The following PPHLN1 variants were observed in gnomAD, a reference collection of about 807,000 sequenced individuals.
PPHLN1 encodes the protein periphilin 1, also known as periphilin-1.
In PPHLN1, 29 loss-of-function variants were observed where a neutral mutation model predicts 51.3. That is an observed-to-expected ratio of 0.57 (90% CI 0.42 to 0.77). PPHLN1 has a LOEUF of 0.77. PPHLN1 is among the 30% of genes least tolerant of loss of function. The probability of loss-of-function intolerance (pLI) is 0.00; values close to 1 mark genes in which losing one functional copy is unlikely to be tolerated. For missense variants in PPHLN1, 436 were observed against 438.4 expected (o/e 0.99, Z 0.05); for synonymous variants, 147 against 147.8 (o/e 0.99, Z 0.04).
downstream of PPHLN1, chr12:42,445,253 A>G (rs978990908): frequency 1.0e-5 from 6 of 601,688 alleles, no homozygotes; most frequent in African/African-American, 5.6e-5. Context: ...AAGCCACCCA[A>G]TCACATCAAT....
At chr12:42,403,351 G>A (rs1015326998) in intron 9 of PPHLN1, among the ~76,000 whole-genome samples, 1 of 152,044 alleles carries the variant, frequency 6.6e-6, no homozygotes, top group African/African-American at 2.4e-5. Context: ...CTGAAAGTCT[G>A]GATTCCCAAA....
Position 42,441,554 on chromosome 12 carries a change from A to C in PPHLN1, c.*45A>C. 1 of 1,473,444 alleles carries C rather than the reference A, an allele frequency of 6.8e-7. No individual in the cohort carries two copies. The highest frequency in any genetic ancestry group is 9.0e-7 in the Non-Finnish European group (1 of 1,115,638). 91.3% of individuals were successfully genotyped at this position (1,473,444 alleles called of 1,614,324 possible). ...AAAAAAAAAAAAACAGTTTCTAAAA[A>C]TTTTTTTTCCTGGATTGTGTAAATC... On this transcript the variant is annotated 3_prime_UTR_variant, in exon 10 of 10. Coordinates refer to ENST00000358314, the MANE Select transcript of PPHLN1 (RefSeq NM_201439.2).
chr12:42,407,409 C>G (rs1474455530), intron 9 of PPHLN1, among the ~76,000 whole-genome samples: 2 of 152,324 alleles, frequency 1.3e-5, no homozygotes, highest in South Asian at 4.1e-4. Flanking sequence ...ACAGCACTTG[C>G]TTATGACATG....
chr12:42,336,476 T>G (rs544408770), intron 2 of PPHLN1, among the ~76,000 whole-genome samples: 4 of 152,300 alleles, frequency 2.6e-5, no homozygotes, highest in African/African-American at 9.6e-5. Flanking sequence ...TCAGGCAGTC[T>G]GACTGGTAAG....
chr12:42,438,675 C>T (rs1593033136), intron 9 of PPHLN1, among the ~76,000 whole-genome samples: 1 of 152,318 alleles, frequency 6.6e-6, no homozygotes, highest in Middle Eastern at 3.4e-3. Flanking sequence ...GATCTCAGCT[C>T]ACCGCAACCC....
At position 42,432,157 on chromosome 12, in the gene PPHLN1, C is replaced by A; in HGVS notation, c.910-9158C>A. ...CGCTGATGTCGGCTGTCTCGATCAT[C>A]TTCTTCAATGACCAATCACTCAGCT... On this transcript the variant is annotated intron_variant, in intron 9 of 9. Transcript: ENST00000358314. 8.5e-6 allele frequency: 8 copies of A among 943,514 alleles called. No individual in the cohort carries two copies. In the South Asian group the frequency reaches 1.0e-4, roughly 12 times the overall value. The allele number at this position is 943,514 out of a possible 1,614,324, so 58.4% of individuals were successfully genotyped here. A position where few individuals can be genotyped will look rare whatever the true frequency, so the allele number is the denominator to read the frequency against.
At chr12:42,343,647 G>A (rs1287853969) in intron 2 of PPHLN1, among the ~76,000 whole-genome samples, 1 of 152,010 alleles carries the variant, frequency 6.6e-6, no homozygotes, top group Non-Finnish European at 1.5e-5. Context: ...GTGTTTCTTT[G>A]CTGAGTTTGA....
At chr12:42,444,281 C>CT (rs1471748841), downstream of PPHLN1, 1 of 151,728 alleles carries the variant, frequency 6.6e-6, no homozygotes, top group African/African-American at 2.4e-5. Flanking sequence ...GCGATATTAA[C>CT]TATCTTTGCC....
intron 9 of PPHLN1, among the ~76,000 whole-genome samples, chr12:42,418,373 A>T (rs1565991054): frequency 6.6e-6 from 1 of 150,758 alleles, no homozygotes; most frequent in Non-Finnish European, 1.5e-5. Flanking sequence ...TATTGCAATA[A>T]TTTTTTTTTC....
intron 8 of PPHLN1, among the ~76,000 whole-genome samples, chr12:42,395,190 G>T (rs1166124256): frequency 1.1e-4 from 16 of 151,722 alleles, no homozygotes; most frequent in Admixed American, 1.1e-3. Context: ...TCTAAAATTT[G>T]CTCAGAATTC....
At chr12:42,440,294 T>C (rs535157653) in intron 9 of PPHLN1, among the ~76,000 whole-genome samples, 2 of 152,238 alleles carry the variant, frequency 1.3e-5, no homozygotes, top group African/African-American at 4.8e-5. Flanking sequence ...TACTGGTATA[T>C]AGGAAAGCAA....
At chr12:42,338,520 G>A (rs1410717153) in intron 2 of PPHLN1, among the ~76,000 whole-genome samples, 2 of 152,126 alleles carry the variant, frequency 1.3e-5, no homozygotes, top group African/African-American at 4.8e-5. Context: ...AGTGGTTGAG[G>A]GACAGGAAAG....
At chr12:42,441,035 G>A (rs2082903552) in intron 9 of PPHLN1, among the ~76,000 whole-genome samples, 1 of 152,180 alleles carries the variant, frequency 6.6e-6, no homozygotes, top group South Asian at 2.1e-4. Context: ...TGTCCTTTGA[G>A]TAGACTGCCT....
At chr12:42,421,854 GT>G (rs888560858) in intron 9 of PPHLN1, among the ~76,000 whole-genome samples, 114 of 145,526 alleles carry the variant, frequency 7.8e-4, no homozygotes, top group Non-Finnish European at 1.0e-3. Flanking sequence ...GAAGGTTGGA[GT>G]TTTTTTTTTT....
chr12:42,331,761 A>G (rs750916869), intron 1 of PPHLN1: 5 of 152,172 alleles, frequency 3.3e-5, no homozygotes, highest in African/African-American at 4.8e-5. Flanking sequence ...TTGATTCTTC[A>G]GTTTGAATAT....
At chr12:42,341,533 T>C (rs968560277) in intron 2 of PPHLN1, among the ~76,000 whole-genome samples, 2 of 152,184 alleles carry the variant, frequency 1.3e-5, no homozygotes, top group African/African-American at 2.4e-5. Context: ...TATACTTAAT[T>C]TGAGTTTTGG....
intron 1 of PPHLN1, among the ~76,000 whole-genome samples, chr12:42,329,646 A>T (rs1222860001): frequency 1.3e-5 from 2 of 152,178 alleles, no homozygotes; most frequent in African/African-American, 2.4e-5. Flanking sequence ...ACTAATGTGT[A>T]TTAAAAGTAC....
Position 42,354,294 on chromosome 12 carries a change from G to T in PPHLN1, c.238-867G>T, listed in dbSNP as rs2073782425. ...AGTGCAGTGGCAAGAACTTGGCTCA[G>T]TACAACCTCCGGCTCTTGGGTTCAA... is the stretch of plus-strand genomic sequence containing the variant. On this transcript the variant is annotated intron_variant, in intron 3 of 9. Transcript: ENST00000358314. Among the ~76,000 whole-genome samples the T allele has an allele frequency of 3.3e-5, 5 of 152,256 alleles. No individual in the cohort carries two copies. The South Asian group carries it at 1.0e-3, about 32-fold the overall frequency.
intron 2 of PPHLN1, among the ~76,000 whole-genome samples, chr12:42,336,419 A>G (rs1433566503): frequency 6.6e-6 from 1 of 152,196 alleles, no homozygotes; most frequent in Non-Finnish European, 1.5e-5. Context: ...GAGTGGAAAC[A>G]TGTTAATATC....
Sources: allele counts gnomAD v4.1 joint callset (sites outside exome capture counted in the v4.1 genomes callset), GRCh38; gene constraint gnomAD v4.1.1; transcripts MANE v1.5; gene names NCBI Gene and HGNC (gene_info 2026-07-23, HGNC 2026-07-21).